KCNJ10: variants seen among roughly 807,000 people sequenced by gnomAD.
KCNJ10 encodes potassium inwardly rectifying channel subfamily J member 10.
A neutral mutation model predicts 22.2 loss-of-function variants in KCNJ10; 9 were observed. That is an observed-to-expected ratio of 0.40 (90% CI 0.24 to 0.71). The LOEUF (loss-of-function observed/expected upper bound fraction) is 0.71, where lower values mean the gene tolerates loss of function less well. KCNJ10 is among the 30% of genes least tolerant of loss of function. The pLI is 0.35. For missense variants in KCNJ10, 337 were observed against 482.7 expected, an observed-to-expected ratio of 0.70 and a Z score of 2.83; for synonymous variants, 184 against 187.3, an observed-to-expected ratio of 0.98 and a Z score of 0.15.
intron 1 of KCNJ10, among the ~76,000 whole-genome samples, chr1:160,060,457 T>C (rs1159478852): frequency 6.6e-6 from 1 of 152,012 alleles, no homozygotes; most frequent in Non-Finnish European, 1.5e-5. Context: ...GAGAATCCAG[T>C]AGCCAGAGGG....
At chr1:160,069,232 A>G (rs1248925998) in intron 1 of KCNJ10, among the ~76,000 whole-genome samples, 1 of 152,152 alleles carries the variant, frequency 6.6e-6, no homozygotes, top group Admixed American at 6.5e-5. Context: ...CCAAATCAGG[A>G]AGTTCCATCC....
rs56656397 is a variant in KCNJ10 at position 160,039,373 on chromosome 1, GACACACAC to G, written c.*2012_*2019del. The G allele has an allele frequency of 0.15, 19,774 of 134,884 alleles. 1,516 individuals carry two copies. Among genetic ancestry groups the G allele is most frequent in the South Asian group, 0.24 (952 of 3,926 alleles). The allele number at this position is 134,884 out of a possible 1,614,324, so 8.4% of individuals were successfully genotyped here. ...ACTTGGCAATGGATAGGAAGGTATA[GACACACAC>G]ACACACACACACACACACACACACA... On this transcript the variant is annotated 3_prime_UTR_variant, in exon 2 of 2. Transcript: ENST00000644903.
rs961700784 is a variant in KCNJ10 at position 160,041,147 on chromosome 1, T to G, written c.*246A>C. 3.6e-6 allele frequency: 2 copies of G among 562,202 alleles called. No individual in the cohort carries two copies. The highest frequency in any genetic ancestry group is 3.8e-5 in the African/African-American group (2 of 53,046). The allele number at this position is 562,202 out of a possible 1,614,324, so 34.8% of individuals were successfully genotyped here. On this transcript the variant is annotated 3_prime_UTR_variant, in exon 2 of 2. Transcript: ENST00000644903. The surrounding 1 kb of genome is among the most constrained non-coding windows in gnomAD (Gnocchi z 4.4). ...AAGCCACTTCAGCCTAATCCCACTCTTTCCCCCATCCTGGCTTAAGGGAGG... is the reference window on the plus strand; with the variant it reads ...AAGCCACTTCAGCCTAATCCCACTCGTTCCCCCATCCTGGCTTAAGGGAGG...
intron 1 of KCNJ10, chr1:160,064,640 G>C (rs1557974783): frequency 6.6e-6 from 1 of 152,242 alleles, no homozygotes; most frequent in Admixed American, 6.5e-5. Context: ...AGAATGTAAA[G>C]TGGTCCTGAG....
At chr1:160,054,020 C>A (rs1351309161) in intron 1 of KCNJ10, among the ~76,000 whole-genome samples, 1 of 152,184 alleles carries the variant, frequency 6.6e-6, no homozygotes, top group Non-Finnish European at 1.5e-5. Flanking sequence ...CAAGCGGTGC[C>A]TTCTGTCCCC....
intron 1 of KCNJ10, among the ~76,000 whole-genome samples, chr1:160,062,178 G>T (rs1039693445): frequency 8.6e-5 from 13 of 152,030 alleles, no homozygotes; most frequent in Non-Finnish European, 1.9e-4. Flanking sequence ...CCCAGAGAGT[G>T]GGGGAGTCAC....
chr1:160,064,572 A>G (rs1649271994), intron 1 of KCNJ10, among the ~76,000 whole-genome samples: 1 of 152,194 alleles, frequency 6.6e-6, no homozygotes, highest in Non-Finnish European at 1.5e-5. Flanking sequence ...AACACAGTAA[A>G]TGTTCATAGA....
chr1:160,046,395 TG>T, intron 1 of KCNJ10, among the ~76,000 whole-genome samples: 1 of 152,340 alleles, frequency 6.6e-6, no homozygotes, highest in East Asian at 1.9e-4. Flanking sequence ...TCCCAGCTCC[TG>T]GTCCAGAACT....
intron 1 of KCNJ10, among the ~76,000 whole-genome samples, chr1:160,061,386 C>G (rs1001793905): frequency 6.6e-6 from 1 of 152,088 alleles, no homozygotes; most frequent in East Asian, 1.9e-4. Context: ...TGGGCAAATG[C>G]AAAGACGGAC....
At position 160,040,595 on chromosome 1, in the gene KCNJ10, G is replaced by C; in HGVS notation, c.*798C>G. The stretch of plus-strand genomic sequence containing the variant: ...GGACACAGGGAAACAGATCTTCTCT[G>C]GGCTGCCTGGAAGATAGGTTTAAAG... On this transcript the variant is annotated 3_prime_UTR_variant, in exon 2 of 2. Coordinates refer to ENST00000644903, the MANE Select transcript of KCNJ10 (RefSeq NM_002241.5). The C allele has an allele frequency of 2.5e-6, 1 of 398,752 alleles. No individual in the cohort carries two copies. Among genetic ancestry groups the C allele is most frequent in the East Asian group, 3.6e-5 (1 of 28,090 alleles). 24.7% of individuals were successfully genotyped at this position (398,752 alleles called of 1,614,324 possible).
intron 1 of KCNJ10, among the ~76,000 whole-genome samples, chr1:160,058,373 C>T (rs1466555906): frequency 6.6e-6 from 1 of 152,170 alleles, no homozygotes; most frequent in Non-Finnish European, 1.5e-5. Flanking sequence ...GAAACTGAGG[C>T]CCACTGTGGG....
At chr1:160,061,696 G>T (rs896095471) in intron 1 of KCNJ10, among the ~76,000 whole-genome samples, 3 of 150,412 alleles carry the variant, frequency 2.0e-5, no homozygotes, top group South Asian at 4.2e-4. Context: ...GCAAGGGCAT[G>T]GGGGGGAGGG....
intron 1 of KCNJ10, among the ~76,000 whole-genome samples, chr1:160,064,060 C>G (rs1318408188): frequency 6.6e-6 from 1 of 152,164 alleles, no homozygotes; most frequent in Non-Finnish European, 1.5e-5. Flanking sequence ...AACCACTACC[C>G]CATACTACCT....
intron 1 of KCNJ10, among the ~76,000 whole-genome samples, chr1:160,044,587 CA>C (rs1410839349): frequency 1.3e-5 from 2 of 152,134 alleles, no homozygotes; most frequent in African/African-American, 4.8e-5. Flanking sequence ...TCACAAACTA[CA>C]AACAGGTAAG....
At chr1:160,066,695 C>A (rs1378149064) in intron 1 of KCNJ10, among the ~76,000 whole-genome samples, 1 of 152,140 alleles carries the variant, frequency 6.6e-6, no homozygotes, top group Non-Finnish European at 1.5e-5. Context: ...TCTCTCAGAG[C>A]GGAAAGTAGC....
At chr1:160,058,326 ACT>A (rs1649091660) in intron 1 of KCNJ10, among the ~76,000 whole-genome samples, 1 of 151,418 alleles carries the variant, frequency 6.6e-6, no homozygotes, top group African/African-American at 2.4e-5. Flanking sequence ...CCCTGTCAAC[ACT>A]CTCCCTACTC....
intron 1 of KCNJ10, among the ~76,000 whole-genome samples, chr1:160,068,255 T>A (rs1649369785): frequency 6.7e-6 from 1 of 148,870 alleles, no homozygotes; most frequent in African/African-American, 2.5e-5. Flanking sequence ...GCTGGAACCA[T>A]AACCCTGCTA....
chr1:160,063,777 G>A (rs147006265), intron 1 of KCNJ10, among the ~76,000 whole-genome samples: 7 of 152,316 alleles, frequency 4.6e-5, no homozygotes, highest in Non-Finnish European at 8.8e-5. Context: ...CCTATGTGTA[G>A]CATTGGATGG....
intron 1 of KCNJ10, among the ~76,000 whole-genome samples, chr1:160,064,125 T>A (rs1005913393): frequency 3.3e-5 from 5 of 152,196 alleles, no homozygotes; most frequent in Non-Finnish European, 4.4e-5. Flanking sequence ...AACGAGGATA[T>A]TCAAATTGGC....
Sources: allele counts gnomAD v4.1 joint callset (sites outside exome capture counted in the v4.1 genomes callset), GRCh38; gene constraint gnomAD v4.1.1; non-coding constraint Gnocchi (gnomAD v3.1); transcripts MANE v1.5; gene names NCBI Gene and HGNC (gene_info 2026-07-23, HGNC 2026-07-21).